The following HSF2BP variants were observed in gnomAD, a reference collection of about 807,000 sequenced individuals.
The protein encoded by HSF2BP is heat shock factor 2-binding protein.
A neutral mutation model predicts 35.0 loss-of-function variants in HSF2BP; 35 were observed. The ratio of observed to expected loss-of-function variants is 1.00; its 90% CI spans 0.76 to 1.32. The LOEUF is 1.32. Ranked by LOEUF, HSF2BP falls within the 40% of genes most tolerant of loss-of-function variation. The pLI is 0.00. For missense variants in HSF2BP, 326 were observed against 321.7 expected, an observed-to-expected ratio of 1.01 and a Z score of -0.10; for synonymous variants, 114 against 117.4, an observed-to-expected ratio of 0.97 and a Z score of 0.18.
intron 7 of HSF2BP, among the ~76,000 whole-genome samples, chr21:43,606,667 G>A (rs964813060): frequency 1.3e-5 from 2 of 152,154 alleles, no homozygotes; most frequent in African/African-American, 4.8e-5. Context: ...ATTGTTGAAT[G>A]AATCACCCCT....
At chr21:43,581,002 C>A (rs1315315932) in intron 8 of HSF2BP, among the ~76,000 whole-genome samples, 2 of 152,194 alleles carry the variant, frequency 1.3e-5, no homozygotes, top group African/African-American at 4.8e-5. Context: ...CAGAAGGCAA[C>A]TGGTGCCATG....
chr21:43,635,999 G>A (rs569585596), intron 4 of HSF2BP, among the ~76,000 whole-genome samples: 5 of 149,944 alleles, frequency 3.3e-5, no homozygotes, highest in African/African-American at 4.9e-5. Context: ...AGGCTGAGAC[G>A]GGAGGATCGA....
In HSF2BP at chr21:43,622,986, G is replaced by A. The variant is rs187082017; in HGVS notation, c.574+7336C>T. Among the ~76,000 whole-genome samples, 744 of 137,742 alleles carry A rather than the reference G, an allele frequency of 5.4e-3. 3 individuals are homozygous for A. Among genetic ancestry groups the A allele is most frequent in the African/African-American group, 0.02 (699 of 35,788 alleles). 90.4% of individuals were successfully genotyped at this position (137,742 alleles called of 152,430 possible). A position where few individuals can be genotyped will look rare whatever the true frequency, so the allele number is the denominator to read the frequency against. ...ATCAAACAGCTTTTTTTTTTTTTTC[G>A]TAGAGATAGGATCTTGCCATGTGCC... On this transcript the variant is annotated intron_variant, in intron 6 of 8. Coordinates refer to ENST00000291560, the MANE Select transcript of HSF2BP (RefSeq NM_007031.2).
At chr21:43,507,074 C>T in the HSF2BP span, among the ~76,000 whole-genome samples, 1 of 125,178 alleles carries the variant, frequency 8.0e-6, no homozygotes, top group Non-Finnish European at 1.8e-5. Context: ...TCACAGAGCA[C>T]GCGTGGCAAG....
intron 8 of HSF2BP, among the ~76,000 whole-genome samples, chr21:43,572,573 A>T (rs980627573): frequency 1.3e-5 from 2 of 152,098 alleles, no homozygotes; most frequent in Non-Finnish European, 1.5e-5. Flanking sequence ...AGTGGACAGA[A>T]CTCCCTAGGG....
intron 8 of HSF2BP, among the ~76,000 whole-genome samples, chr21:43,574,603 C>T (rs898008451): frequency 6.6e-6 from 1 of 152,256 alleles, no homozygotes; most frequent in African/African-American, 2.4e-5. Flanking sequence ...GTGATCCGCC[C>T]GCCTCGGCCT....
rs193294843 is a variant in HSF2BP at position 43,623,590 on chromosome 21, A to C, written c.574+6732T>G. 1.6e-3 allele frequency among the ~76,000 whole-genome samples: 243 copies of C among 152,256 alleles called. 2 individuals are homozygous for C. The highest frequency in any genetic ancestry group is 5.0e-4 in the Non-Finnish European group (34 of 68,010). ...TCTTGTAGACGACACTCCCATACCA[A>C]AGCCTGACTTTATGCTGTTTGTTAA... On this transcript the variant is annotated intron_variant, in intron 6 of 8. Transcript: ENST00000291560.
chr21:43,596,368 A>G (rs1427013031), intron 7 of HSF2BP, among the ~76,000 whole-genome samples: 2 of 151,868 alleles, frequency 1.3e-5, no homozygotes, highest in East Asian at 1.9e-4. Flanking sequence ...CAAAAATAAA[A>G]CTTGTGATGC....
intron 4 of HSF2BP, among the ~76,000 whole-genome samples, chr21:43,640,413 G>C (rs1163897819): frequency 1.3e-5 from 2 of 152,236 alleles, no homozygotes; most frequent in Non-Finnish European, 2.9e-5. Context: ...GAGGGAATGG[G>C]GTGGATGTGG....
At chr21:43,649,847 T>C (rs1048842796) in intron 3 of HSF2BP, among the ~76,000 whole-genome samples, 1 of 152,246 alleles carries the variant, frequency 6.6e-6, no homozygotes, top group African/African-American at 2.4e-5. Context: ...TGCTCGATCT[T>C]AGCGATTTAA....
At chr21:43,643,230 T>A (rs940160390) in intron 4 of HSF2BP, among the ~76,000 whole-genome samples, 3 of 152,156 alleles carry the variant, frequency 2.0e-5, no homozygotes, top group Admixed American at 6.5e-5. Context: ...TCTGATTTAA[T>A]ACATCTATGT....
At chr21:43,645,510 C>CA (rs1029502808) in intron 3 of HSF2BP, among the ~76,000 whole-genome samples, 17 of 151,660 alleles carry the variant, frequency 1.1e-4, no homozygotes, top group African/African-American at 7.3e-5. Flanking sequence ...TGTGAAAAAG[C>CA]AAAAAAATGG....
At chr21:43,658,886 C>A (rs927803593) in intron 1 of HSF2BP, among the ~76,000 whole-genome samples, 2 of 152,206 alleles carry the variant, frequency 1.3e-5, no homozygotes, top group African/African-American at 4.8e-5. Context: ...CAGTGCCGGC[C>A]TTTCCTTCCA....
chr21:43,647,793 G>A (rs2082728033), intron 3 of HSF2BP, among the ~76,000 whole-genome samples: 2 of 151,954 alleles, frequency 1.3e-5, no homozygotes, highest in Admixed American at 1.3e-4. Context: ...GCCCAGCGTG[G>A]TGGTACACGC....
At chr21:43,623,158 C>T (rs755402852) in intron 6 of HSF2BP, among the ~76,000 whole-genome samples, 10 of 151,936 alleles carry the variant, frequency 6.6e-5, no homozygotes, top group Non-Finnish European at 1.2e-4. Context: ...AGCAAGAGGA[C>T]CCTCAGAAAC....
At chr21:43,584,202 T>C (rs1038565727) in intron 8 of HSF2BP, among the ~76,000 whole-genome samples, 1 of 151,848 alleles carries the variant, frequency 6.6e-6, no homozygotes, top group African/African-American at 2.4e-5. Flanking sequence ...CTGAGGGAGA[T>C]GAAGGGCCTG....
chr21:43,658,706 C>A (rs1324634959), intron 1 of HSF2BP, among the ~76,000 whole-genome samples: 1 of 152,252 alleles, frequency 6.6e-6, no homozygotes, highest in Admixed American at 6.5e-5. Flanking sequence ...AATTAGCAAG[C>A]AGCCCGCCCT....
At chr21:43,618,579 G>T (rs2082296570) in intron 6 of HSF2BP, among the ~76,000 whole-genome samples, 1 of 151,704 alleles carries the variant, frequency 6.6e-6, no homozygotes, top group African/African-American at 2.4e-5. Flanking sequence ...AAGGAAGGAA[G>T]TTGAATACCT....
the HSF2BP span, among the ~76,000 whole-genome samples, chr21:43,467,880 CACACACA>C: frequency 4.0e-5 from 5 of 123,592 alleles, no homozygotes; most frequent in East Asian, 6.9e-4. Context: ...CCAAACACAC[CACACACA>C]CCACACACCA....
Sources: allele counts gnomAD v4.1 joint callset (sites outside exome capture counted in the v4.1 genomes callset), GRCh38; gene constraint gnomAD v4.1.1; transcripts MANE v1.5; gene names NCBI Gene and HGNC (gene_info 2026-07-23, HGNC 2026-07-21).